The following AKR1C8 variants were observed in gnomAD, a reference collection of about 807,000 sequenced individuals.
AKR1C8 encodes the protein aldo-keto reductase family 1 member C-like protein 1.
At chr10:5,165,933 T>A in the AKR1C8 span, among the ~76,000 whole-genome samples, 2 of 152,050 alleles carry the variant, frequency 1.3e-5, no homozygotes, top group Non-Finnish European at 2.9e-5. Flanking sequence ...CTTGTTCAGA[T>A]CTATGGGTGA....
chr10:5,123,330 C>A, the AKR1C8 span: 3 of 275,902 alleles, frequency 1.1e-5, no homozygotes, highest in Non-Finnish European at 2.3e-5. Context: ...ACCACAGCCC[C>A]ACGCTGCAGC....
the AKR1C8 span, among the ~76,000 whole-genome samples, chr10:5,150,714 G>C: frequency 5.9e-5 from 9 of 151,954 alleles, no homozygotes; most frequent in South Asian, 1.5e-3. Context: ...TGTAAAATAA[G>C]TCATTCATTT....
At chr10:5,164,937 T>C in the AKR1C8 span, among the ~76,000 whole-genome samples, 3 of 152,286 alleles carry the variant, frequency 2.0e-5, no homozygotes, top group Non-Finnish European at 2.9e-5. Context: ...TGTTCCTTCT[T>C]TGTATATAAT....
chr10:5,177,901 T>C, the AKR1C8 span, among the ~76,000 whole-genome samples: 44,561 of 151,984 alleles, frequency 0.29, 7,182 homozygotes, highest in Non-Finnish European at 0.36. Flanking sequence ...TAGTGGTCTA[T>C]AAATTTTGTT....
chr10:5,175,882 T>C, the AKR1C8 span, among the ~76,000 whole-genome samples: 2 of 152,202 alleles, frequency 1.3e-5, no homozygotes, highest in Admixed American at 1.3e-4. Context: ...TATTAGCCCT[T>C]TGTCAGATGA....
chr10:5,128,936 A>G, the AKR1C8 span, among the ~76,000 whole-genome samples: 1 of 152,046 alleles, frequency 6.6e-6, no homozygotes, highest in South Asian at 2.1e-4. Flanking sequence ...AAAATTACTA[A>G]ACAGATGTTT....
chr10:5,181,076 C>T, the AKR1C8 span, among the ~76,000 whole-genome samples: 5 of 152,190 alleles, frequency 3.3e-5, no homozygotes, highest in African/African-American at 7.2e-5. Flanking sequence ...CCGTCTTCTG[C>T]GTCACTCACG....
the AKR1C8 span, among the ~76,000 whole-genome samples, chr10:5,121,037 A>G: frequency 4.6e-5 from 7 of 151,856 alleles, no homozygotes; most frequent in Non-Finnish European, 7.4e-5. Flanking sequence ...ACAACAATCC[A>G]GGTTTTTTTT....
At chr10:5,165,528 T>C in the AKR1C8 span, among the ~76,000 whole-genome samples, 1,278 of 152,228 alleles carry the variant, frequency 8.4e-3, 16 homozygotes, top group African/African-American at 0.029. Context: ...AAAGGCCACT[T>C]TCACCAATCA....
At chr10:5,123,351 G>A in the AKR1C8 span, 1 of 291,180 alleles carries the variant, frequency 3.4e-6, no homozygotes, top group Middle Eastern at 9.4e-4. Flanking sequence ...TGGTAGCACA[G>A]AGCAATCAGG....
At chr10:5,122,885 GA>G in the AKR1C8 span, among the ~76,000 whole-genome samples, 2 of 151,836 alleles carry the variant, frequency 1.3e-5, no homozygotes, top group African/African-American at 2.4e-5. Context: ...CTACTATAAA[GA>G]AAACTCTAAG....
At chr10:5,157,940 T>C in the AKR1C8 span, 3 of 338,178 alleles carry the variant, frequency 8.9e-6, no homozygotes, top group African/African-American at 6.5e-5. Flanking sequence ...CTGATAACTA[T>C]TCATATGGAT....
the AKR1C8 span, chr10:5,154,842 G>T: frequency 6.6e-6 from 1 of 152,172 alleles, no homozygotes; most frequent in Non-Finnish European, 1.5e-5. Context: ...CAACTGGAAC[G>T]TCACGTTTAT....
chr10:5,116,014 C>A, the AKR1C8 span, among the ~76,000 whole-genome samples: 1 of 152,104 alleles, frequency 6.6e-6, no homozygotes, highest in South Asian at 2.1e-4. Context: ...TGTTTTTTTC[C>A]TGGTGGAGTG....
chr10:5,178,816 T>C, the AKR1C8 span, among the ~76,000 whole-genome samples: 1 of 151,322 alleles, frequency 6.6e-6, no homozygotes, highest in Non-Finnish European at 1.5e-5. Flanking sequence ...TTTTTTTTTG[T>C]TTTCCATTTG....
the AKR1C8 span, among the ~76,000 whole-genome samples, chr10:5,147,346 G>A: frequency 2.6e-5 from 4 of 151,988 alleles, no homozygotes; most frequent in South Asian, 2.1e-4. Flanking sequence ...GTCAAATATC[G>A]CAATTACAGC....
At chr10:5,132,492 T>C in the AKR1C8 span, 2 of 1,054,094 alleles carry the variant, frequency 1.9e-6, no homozygotes, top group Non-Finnish European at 2.5e-6. Flanking sequence ...TGTCAATAAA[T>C]TGGAACCAAT....
chr10:5,176,586 G>A, the AKR1C8 span, among the ~76,000 whole-genome samples: 1,280 of 150,268 alleles, frequency 8.5e-3, 8 homozygotes, highest in Middle Eastern at 0.017. Flanking sequence ...CCATTTTCAC[G>A]ATATTGATTC....
the AKR1C8 span, among the ~76,000 whole-genome samples, chr10:5,135,774 G>A: frequency 6.6e-6 from 1 of 152,112 alleles, no homozygotes; most frequent in Non-Finnish European, 1.5e-5. Flanking sequence ...CTAAAGGAAT[G>A]ACTAGTAAGC....
Sources: allele counts gnomAD v4.1 joint callset (sites outside exome capture counted in the v4.1 genomes callset), GRCh38; gene constraint gnomAD v4.1.1; transcripts MANE v1.5; gene names NCBI Gene and HGNC (gene_info 2026-07-23, HGNC 2026-07-21).